HOMEZ: variants seen among roughly 807,000 people sequenced by gnomAD.
HOMEZ encodes homeobox and leucine zipper protein Homez.
A neutral mutation model predicts 50.1 loss-of-function variants in HOMEZ; 20 were observed. The ratio of observed to expected loss-of-function variants is 0.40; its 90% CI spans 0.28 to 0.58. HOMEZ has a LOEUF of 0.58. HOMEZ is among the 20% of genes least tolerant of loss of function. The pLI, the probability that HOMEZ is intolerant of heterozygous loss-of-function variation, is 0.46. For synonymous variants in HOMEZ, 239 were observed against 254.7 expected (o/e 0.94, Z 0.59); for missense variants, 579 against 680.5 (o/e 0.85, Z 1.66).
At chr14:23,285,632 T>C (rs1886642101) in intron 1 of HOMEZ, 1 of 362,986 alleles carries the variant, frequency 2.8e-6, no homozygotes, top group African/African-American at 2.1e-5. Flanking sequence ...GAACAAAAAG[T>C]TATTGCACTT....
intron 1 of HOMEZ, among the ~76,000 whole-genome samples, chr14:23,280,041 C>A (rs1594964254): frequency 6.6e-6 from 1 of 151,984 alleles, no homozygotes; most frequent in African/African-American, 2.4e-5. Context: ...GGTAGGACAG[C>A]ACTGTCCTCT....
chr14:23,283,590 G>A (rs575740166), intron 1 of HOMEZ, among the ~76,000 whole-genome samples: 1 of 152,022 alleles, frequency 6.6e-6, no homozygotes, highest in Non-Finnish European at 1.5e-5. Context: ...GTTAAAGTAG[G>A]AGACAGTTAA....
rs1302297775 is a variant in HOMEZ, at chr14:23,275,680, T to C, written c.1548A>G (p.Glu516=). 1 of 1,588,678 alleles carries C rather than the reference T, an allele frequency of 6.3e-7. No individual in the cohort carries two copies. Among genetic ancestry groups the C allele is most frequent in the East Asian group, 2.3e-5 (1 of 43,924 alleles). ...PAEVVVCLDE[E]EEEEEEELPE... The stretch of plus-strand genomic sequence containing the variant: ...GCAGTTCTTCCTCCTCCTCTTCCTC[T>C]TCTTCATCTAGACAAACTACCACCT... The change falls in exon 2 of 2, where the codon GAA becomes GAG. Residue 516 remains glutamate, a synonymous_variant. Coordinates refer to ENST00000357460, the MANE Select transcript of HOMEZ (RefSeq NM_020834.3).
intron 1 of HOMEZ, among the ~76,000 whole-genome samples, chr14:23,281,349 C>T (rs1287165629): frequency 5.3e-5 from 8 of 152,104 alleles, no homozygotes; most frequent in Admixed American, 5.2e-4. Flanking sequence ...GGCAGCATGG[C>T]ATGACGGGTA....
rs1453773068 is a variant in HOMEZ at position 23,275,629 on chromosome 14, CTCCTCCTCT to C, written c.1590_1598del (p.Glu535_Glu537del). On this transcript the variant is annotated inframe_deletion, in exon 2 of 2. Transcript: ENST00000357460. ...CATCATCATCATCTTCCTCCTCCTC[CTCCTCCTCT>C]TCCTCATCATCTTCTGGCAGTTCTT... The C allele has an allele frequency of 1.3e-6, 2 of 1,554,962 alleles. No individual in the cohort carries two copies. The highest frequency in any genetic ancestry group is 2.4e-5 in the East Asian group (1 of 41,516).
In HOMEZ at chr14:23,277,977, C is replaced by T. The variant is rs1047634486; in HGVS notation, c.41-790G>A. 7.9e-5 allele frequency among the ~76,000 whole-genome samples: 12 copies of T among 150,990 alleles called. No individual in the cohort carries two copies. In the East Asian group the frequency reaches 1.0e-3, roughly 13 times the overall value. On this transcript the variant is annotated intron_variant, in intron 1 of 1. Coordinates refer to ENST00000357460, the MANE Select transcript of HOMEZ (RefSeq NM_020834.3). The stretch of plus-strand genomic sequence containing the variant: ...CCGAGTAGCTGGGATTACAGGTGCC[C>T]GCCACCACGCCCGGCTACTTTTTGT...
rs1886500825 is a variant in HOMEZ at position 23,280,712 on chromosome 14, TTTATTTTATTTTATTTTATTTTATTTTA to T, written c.41-3553_41-3526del. On this transcript the variant is annotated intron_variant, in intron 1 of 1. Coordinates refer to ENST00000357460, the MANE Select transcript of HOMEZ (RefSeq NM_020834.3). ...TTATTTTTATTTTTATATTTTTATT[TTTATTTTATTTTATTTTATTTTATTTTA>T]TTATTTTATTTTATTTTATTTTATT... Among the ~76,000 whole-genome samples, 6 of 58,268 alleles carry T rather than the reference TTTATTTTATTTTATTTTATTTTATTTTA, an allele frequency of 1.0e-4. 1 individual carries two copies. The highest frequency in any genetic ancestry group is 1.4e-4 in the African/African-American group (2 of 13,906). 38.2% of individuals were successfully genotyped at this position (58,268 alleles called of 152,430 possible).
chr14:23,280,769 T>TTTTA (rs1491465426), intron 1 of HOMEZ, among the ~76,000 whole-genome samples: 24 of 115,788 alleles, frequency 2.1e-4, no homozygotes, highest in African/African-American at 3.3e-4. Context: ...TTTTATTTTA[T>TTTTA]TTTATTTTAT....
At position 23,272,919 on chromosome 14, in the gene HOMEZ, G is replaced by GC; in HGVS notation, c.*2655dup. On this transcript the variant is annotated 3_prime_UTR_variant, in exon 2 of 2. Transcript: ENST00000357460. ...CATCTTCAAGATCTGATCTATACAT[G>GC]CTGCTGAAGGATGGACTGTAGCTTC... The GC allele has an allele frequency of 7.4e-7, 1 of 1,355,010 alleles. No individual in the cohort carries two copies. Among genetic ancestry groups the GC allele is most frequent in the Non-Finnish European group, 1.0e-6 (1 of 985,578 alleles). The allele number at this position is 1,355,010 out of a possible 1,614,324, so 83.9% of individuals were successfully genotyped here.
At position 23,275,913 on chromosome 14, in the gene HOMEZ, G is replaced by A; in HGVS notation, c.1315C>T (p.Pro439Ser). The change falls in exon 2 of 2, where the codon CCA (proline) becomes TCA (serine). Residue 439 changes from proline (P) to serine (S), a missense_variant. Pro to Ser is a moderately conservative substitution (Grantham distance 74, BLOSUM62 -1). Coordinates refer to ENST00000357460, the MANE Select transcript of HOMEZ (RefSeq NM_020834.3). ...SFQDPAIPTP[P>S]PSTRSLNERA... Reference sequence around the variant, plus strand: ...TCGTTCAAGGAGCGGGTTGATGGTGGTGGTGTAGGAATTGCTGGGTCTTGG... The same window carrying A: ...TCGTTCAAGGAGCGGGTTGATGGTGATGGTGTAGGAATTGCTGGGTCTTGG... The A allele has an allele frequency of 6.2e-7, 1 of 1,606,248 alleles. No individual in the cohort carries two copies. Among genetic ancestry groups the A allele is most frequent in the East Asian group, 2.2e-5 (1 of 44,832 alleles).
At chr14:23,283,285 G>A (rs1035306064) in intron 1 of HOMEZ, among the ~76,000 whole-genome samples, 6 of 152,226 alleles carry the variant, frequency 3.9e-5, no homozygotes, top group East Asian at 1.9e-4. Flanking sequence ...GCTCATGCCC[G>A]TATTCCCAGC....
rs1341218806 is a variant in HOMEZ, at chr14:23,276,502, G to A, written c.726C>T (p.Gly242=). The A allele has an allele frequency of 1.2e-6, 2 of 1,613,924 alleles. No homozygotes were observed. Among genetic ancestry groups the A allele is most frequent in the Non-Finnish European group, 1.7e-6 (2 of 1,179,896 alleles). The change falls in exon 2 of 2, where the codon GGC becomes GGT. Residue 242 remains glycine, a synonymous_variant. Coordinates refer to ENST00000357460, the MANE Select transcript of HOMEZ (RefSeq NM_020834.3). This position sits in a 1 kb window ranked among gnomAD's most constrained non-coding sequence, Gnocchi z 4.1. ...QAGRGPNQSH[G]IGTASWNHST... The stretch of plus-strand genomic sequence containing the variant: ...AGTGGTTCCAGGAAGCAGTACCTAT[G>A]CCATGTGACTGGTTGGGACCCCTGC...
rs148749906 is a variant in HOMEZ at position 23,285,716 on chromosome 14, G to A, written c.40+197C>T. 50 of 402,088 alleles carry A rather than the reference G, an allele frequency of 1.2e-4. No homozygotes were observed. The East Asian group carries it at 1.6e-3, about 13-fold the overall frequency. The allele number at this position is 402,088 out of a possible 1,614,324, so 24.9% of individuals were successfully genotyped here. ...AAGGGCGCCCCAACCCAACCTTCTT[G>A]CCCTCCCCTACACAGACACTCACCC... On this transcript the variant is annotated intron_variant, in intron 1 of 1. Coordinates refer to ENST00000357460, the MANE Select transcript of HOMEZ (RefSeq NM_020834.3).
intron 1 of HOMEZ, among the ~76,000 whole-genome samples, chr14:23,280,159 A>G (rs1235298316): frequency 6.6e-6 from 1 of 151,280 alleles, no homozygotes; most frequent in African/African-American, 2.4e-5. Context: ...TATTTTTTCC[A>G]TCTCTTGGTT....
Position 23,272,820 on chromosome 14 carries a change from C to T in HOMEZ, c.*2755G>A, listed in dbSNP as rs1369810272. 6.5e-7 allele frequency: 1 copy of T among 1,546,272 alleles called. No individual in the cohort carries two copies. Among genetic ancestry groups the T allele is most frequent in the Non-Finnish European group, 8.7e-7 (1 of 1,143,696 alleles). ...ACATCTACCTTCTTGTCCTCTGCTG[C>T]AGACTCTCTACCAACAACGGAGGCA... On this transcript the variant is annotated 3_prime_UTR_variant, in exon 2 of 2. Transcript: ENST00000357460.
In HOMEZ at chr14:23,274,723, T is replaced by G. The variant is rs533765201; in HGVS notation, c.*852A>C. 2 of 152,058 alleles carry G rather than the reference T, an allele frequency of 1.3e-5. No individual in the cohort carries two copies. Among genetic ancestry groups the G allele is most frequent in the African/African-American group, 4.8e-5 (2 of 41,366 alleles). 9.4% of individuals were successfully genotyped at this position (152,058 alleles called of 1,614,324 possible). ...GAGATCAAGACCATCCTGGCTAACA[T>G]GATGAAACCCGTCTCTACTAAAAAT... On this transcript the variant is annotated 3_prime_UTR_variant, in exon 2 of 2. Coordinates refer to ENST00000357460, the MANE Select transcript of HOMEZ (RefSeq NM_020834.3).
rs575138194 is a variant in HOMEZ, at chr14:23,273,090, G to A, written c.*2485C>T. The A allele has an allele frequency of 2.7e-5, 11 of 409,124 alleles. No individual in the cohort carries two copies. The South Asian group carries it at 6.6e-4, about 24-fold the overall frequency. 25.3% of individuals were successfully genotyped at this position (409,124 alleles called of 1,614,324 possible). On this transcript the variant is annotated 3_prime_UTR_variant, in exon 2 of 2. Coordinates refer to ENST00000357460, the MANE Select transcript of HOMEZ (RefSeq NM_020834.3). ...TGGTCAGGTCTTACAAAAGGCTAGTGCTTCAGGAAGATGTTTATATCTCTT... is the reference window on the plus strand; with the variant it reads ...TGGTCAGGTCTTACAAAAGGCTAGTACTTCAGGAAGATGTTTATATCTCTT...
At position 23,286,066 on chromosome 14, in the gene HOMEZ, C is replaced by A. The variant is rs953880848; in HGVS notation, c.-114G>T. 5 of 1,230,918 alleles carry A rather than the reference C, an allele frequency of 4.1e-6. No individual in the cohort carries two copies. The highest frequency in any genetic ancestry group is 6.3e-5 in the East Asian group (2 of 31,644). The allele number at this position is 1,230,918 out of a possible 1,614,324, so 76.2% of individuals were successfully genotyped here. On this transcript the variant is annotated 5_prime_UTR_variant, in exon 1 of 2. Transcript: ENST00000357460. ...CGATGGCCGAAACCGGGACTGCCCC[C>A]CCCACCGTCCCCGGGAGCGCGCCGG...
At position 23,275,729 on chromosome 14, in the gene HOMEZ, T is replaced by C; in HGVS notation, c.1499A>G (p.Asp500Gly). 6.2e-7 allele frequency: 1 copy of C among 1,612,514 alleles called. No individual in the cohort carries two copies. The highest frequency in any genetic ancestry group is 1.1e-5 in the South Asian group (1 of 90,832). Reference sequence around the variant, plus strand: ...CTCAGCTGGCTGAGGTAATCGAGAGTCAAACCAATCCAGCACCTGCTGGGT... The same window carrying C: ...CTCAGCTGGCTGAGGTAATCGAGAGCCAAACCAATCCAGCACCTGCTGGGT... ...LSTQQVLDWF[D>G]SRLPQPAEVV... Residue 500 changes from aspartate to glycine, a missense_variant, in exon 2 of 2, where the codon GAC (aspartate) becomes GGC (glycine). Physicochemically the swap from Asp to Gly is moderately conservative, Grantham distance 94. Coordinates refer to ENST00000357460, the MANE Select transcript of HOMEZ (RefSeq NM_020834.3).
Sources: allele counts gnomAD v4.1 joint callset (sites outside exome capture counted in the v4.1 genomes callset), GRCh38; gene constraint gnomAD v4.1.1; non-coding constraint Gnocchi (gnomAD v3.1); transcripts MANE v1.5; gene names NCBI Gene and HGNC (gene_info 2026-07-23, HGNC 2026-07-21).